The following BMPR1A variants were observed in gnomAD, a reference collection of about 807,000 sequenced individuals.
BMPR1A encodes the protein bone morphogenetic protein receptor type-1A.
In BMPR1A, 7 loss-of-function variants were observed where a neutral mutation model predicts 66.0. The ratio of observed to expected loss-of-function variants is 0.11; its 90% confidence interval spans 0.06 to 0.20. BMPR1A has a LOEUF of 0.20. Ranked by LOEUF, BMPR1A falls within the 10% of genes least tolerant of loss-of-function variation. The pLI is 1.00. For synonymous variants in BMPR1A, 200 were observed against 229.7 expected, an observed-to-expected ratio of 0.87 and a Z score of 1.17; for missense variants, 408 against 669.1, an observed-to-expected ratio of 0.61 and a Z score of 4.31.
At chr10:86,802,224 G>A (rs1841822309) in intron 1 of BMPR1A, among the ~76,000 whole-genome samples, 1 of 152,160 alleles carries the variant, frequency 6.6e-6, no homozygotes, top group South Asian at 2.1e-4. Flanking sequence ...CCAGATGGTG[G>A]TGAGGGACGC....
intron 1 of BMPR1A, among the ~76,000 whole-genome samples, chr10:86,830,819 A>T (rs1238427456): frequency 4.0e-5 from 6 of 151,780 alleles, no homozygotes; most frequent in Non-Finnish European, 8.8e-5. Context: ...AAACATTTTT[A>T]ATTTTGTTGA....
intron 2 of BMPR1A, among the ~76,000 whole-genome samples, chr10:86,846,762 C>T (rs1222063757): frequency 5.9e-5 from 9 of 152,096 alleles, no homozygotes; most frequent in Non-Finnish European, 1.0e-4. Flanking sequence ...GTAGAGAAAC[C>T]TAGAACTCCT....
At chr10:86,893,555 C>T (rs1177406692) in intron 5 of BMPR1A, among the ~76,000 whole-genome samples, 2 of 152,036 alleles carry the variant, frequency 1.3e-5, no homozygotes, top group South Asian at 2.1e-4. Flanking sequence ...TTTGGGAAGC[C>T]GAGGCGGGTG....
At chr10:86,905,802 T>C (rs1387715448) in intron 7 of BMPR1A, among the ~76,000 whole-genome samples, 1 of 150,632 alleles carries the variant, frequency 6.6e-6, no homozygotes, top group Non-Finnish European at 1.5e-5. Flanking sequence ...TAAGTTGCAG[T>C]GATTACAGCA....
chr10:86,884,828 C>T (rs1436980789), intron 3 of BMPR1A, among the ~76,000 whole-genome samples: 6 of 152,116 alleles, frequency 3.9e-5, no homozygotes, highest in Admixed American at 3.9e-4. Flanking sequence ...CATGTGTCAG[C>T]ATGTGTCGGA....
intron 3 of BMPR1A, 80 bp from the exon 4 acceptor site, chr10:86,889,982 A>G: frequency 6.7e-7 from 1 of 1,495,772 alleles, no homozygotes; most frequent in Non-Finnish European, 9.3e-7. Context: ...AAGCTTAACA[A>G]CTTTTTCTCA....
In BMPR1A at chr10:86,924,232, G is replaced by A; in HGVS notation, c.*513G>A. 1 of 257,696 alleles carries A rather than the reference G, an allele frequency of 3.9e-6. No homozygotes were observed. Among genetic ancestry groups the A allele is most frequent in the Non-Finnish European group, 7.6e-6 (1 of 131,208 alleles). The allele number at this position is 257,696 out of a possible 1,614,324, so 16.0% of individuals were successfully genotyped here. ...TGATAGTTTGTCCTGTGTCCTTAGT[G>A]ATGTGTGTGTGTCTCCATGCACATG... On this transcript the variant is annotated 3_prime_UTR_variant, in exon 13 of 13. Coordinates refer to ENST00000372037, the MANE Select transcript of BMPR1A (RefSeq NM_004329.3).
At chr10:86,781,722 T>A (rs1184937355) in intron 1 of BMPR1A, among the ~76,000 whole-genome samples, 1 of 152,154 alleles carries the variant, frequency 6.6e-6, no homozygotes, top group East Asian at 1.9e-4. Context: ...TTTTACTTTC[T>A]GTCTCTATGA....
chr10:86,849,192 T>A (rs1842531566), intron 2 of BMPR1A, among the ~76,000 whole-genome samples: 1 of 152,220 alleles, frequency 6.6e-6, no homozygotes, highest in African/African-American at 2.4e-5. Flanking sequence ...ATTCCTTTGT[T>A]CTTTAGGAAA....
At chr10:86,781,117 G>GT (rs1429372673) in intron 1 of BMPR1A, among the ~76,000 whole-genome samples, 1 of 152,134 alleles carries the variant, frequency 6.6e-6, no homozygotes, top group Admixed American at 6.5e-5. Context: ...GCCTCGCAAA[G>GT]TACTGGGATT....
intron 1 of BMPR1A, among the ~76,000 whole-genome samples, chr10:86,780,665 C>T (rs1445585113): frequency 1.3e-5 from 2 of 151,688 alleles, no homozygotes; most frequent in African/African-American, 4.8e-5. Context: ...GAGTTCCTGA[C>T]CTCATGATCC....
intron 7 of BMPR1A, among the ~76,000 whole-genome samples, chr10:86,903,725 C>T (rs1477704917): frequency 1.3e-5 from 2 of 151,906 alleles, no homozygotes. Flanking sequence ...CATTCTCTTG[C>T]TTCAGCCTTC....
chr10:86,812,028 G>A (rs757790290), intron 1 of BMPR1A, among the ~76,000 whole-genome samples: 13 of 151,392 alleles, frequency 8.6e-5, no homozygotes, highest in Non-Finnish European at 1.9e-4. Context: ...GTTGTGGTAA[G>A]CTCTGAGCAT....
chr10:86,890,311 G>GT (rs367837113), intron 4 of BMPR1A, 87 bp downstream of exon 4: 4,010 of 1,476,624 alleles, frequency 2.7e-3, no homozygotes, highest in Non-Finnish European at 3.1e-3. Context: ...CTTGTCTGCG[G>GT]TTTTTTTTTC....
Position 86,861,385 on chromosome 10 carries a change from G to A in BMPR1A, c.-152-14482G>A. On this transcript the variant is annotated intron_variant, in intron 2 of 12. Transcript: ENST00000372037. ...TCCTTTTTTGGTCATGCTTGTCAGG[G>A]AAGAATTGTTAAAAATCTATTTTAA... Among the ~76,000 whole-genome samples, 2 of 152,098 alleles carry A rather than the reference G, an allele frequency of 1.3e-5. 1 individual carries two copies. Among genetic ancestry groups the A allele is most frequent in the East Asian group, 3.9e-4 (2 of 5,192 alleles).
chr10:86,790,179 AAAAAAAAAAATATATATATATATAT>A (rs1841584685), intron 1 of BMPR1A, among the ~76,000 whole-genome samples: 1 of 42,982 alleles, frequency 2.3e-5, no homozygotes, highest in Admixed American at 3.7e-4. Context: ...AAAAAAAAAA[AAAAAAAAAAATATATATATATATAT>A]ATATATATAT....
At chr10:86,896,178 AAAAG>A (rs964749601) in intron 5 of BMPR1A, among the ~76,000 whole-genome samples, 6 of 151,768 alleles carry the variant, frequency 4.0e-5, no homozygotes, top group African/African-American at 1.2e-4. Context: ...AAAAAAAAAA[AAAAG>A]CTGAGGTGGG....
chr10:86,827,576 T>TGA (rs1430628794), intron 1 of BMPR1A, among the ~76,000 whole-genome samples: 5 of 152,186 alleles, frequency 3.3e-5, no homozygotes, highest in Non-Finnish European at 7.4e-5. Flanking sequence ...TGTTGAGTCT[T>TGA]GGGTGTATAC....
chr10:86,881,490 C>T (rs1353762188), intron 3 of BMPR1A, among the ~76,000 whole-genome samples: 1 of 152,152 alleles, frequency 6.6e-6, no homozygotes, highest in African/African-American at 2.4e-5. Flanking sequence ...GAATCTAGAC[C>T]TTAAAAACAG....
Sources: allele counts gnomAD v4.1 joint callset (sites outside exome capture counted in the v4.1 genomes callset), GRCh38; gene constraint gnomAD v4.1.1; transcripts MANE v1.5; gene names NCBI Gene and HGNC (gene_info 2026-07-23, HGNC 2026-07-21).